ZNF362: variants seen among roughly 807,000 people sequenced by gnomAD.
The protein encoded by ZNF362 is rotund homolog.
A neutral mutation model predicts 42.9 loss-of-function variants in ZNF362; 11 were observed. That is an observed-to-expected ratio of 0.26 (90% CI 0.16 to 0.42). The LOEUF (loss-of-function observed/expected upper bound fraction) is 0.42, where lower values mean the gene tolerates loss of function less well. Among genes scored for constraint, ZNF362 ranks in the 20% least tolerant of loss-of-function variants. ZNF362 has a pLI of 1.00. For missense variants in ZNF362, 362 were observed against 576.2 expected (o/e 0.63, Z 3.81); for synonymous variants, 255 against 257.3 (o/e 0.99, Z 0.09).
At chr1:33,225,874 G>GT in the ZNF362 span, among the ~76,000 whole-genome samples, 3 of 152,286 alleles carry the variant, frequency 2.0e-5, no homozygotes, top group South Asian at 4.1e-4. Context: ...AAAAGGGATG[G>GT]TTTTTTCTTT....
chr1:33,176,090 A>G, the ZNF362 span, among the ~76,000 whole-genome samples: 2 of 152,186 alleles, frequency 1.3e-5, no homozygotes. Flanking sequence ...TGCTGTTGGC[A>G]TAGAAATCCT....
intron 2 of ZNF362, among the ~76,000 whole-genome samples, chr1:33,275,496 A>C (rs1032358870): frequency 1.3e-5 from 2 of 152,182 alleles, no homozygotes; most frequent in South Asian, 2.1e-4. Flanking sequence ...TGTTTCTTGA[A>C]GATAACTTTC....
chr1:33,275,412 C>T (rs1645936155), intron 2 of ZNF362: 1 of 983,386 alleles, frequency 1.0e-6, no homozygotes, highest in African/African-American at 1.7e-5. Context: ...CAGCCCCCTC[C>T]ATAACCACAG....
the ZNF362 span, among the ~76,000 whole-genome samples, chr1:33,249,919 A>C: frequency 6.6e-6 from 1 of 152,186 alleles, no homozygotes; most frequent in African/African-American, 2.4e-5. Context: ...ACTTGCCTAA[A>C]GTCACTATCT....
At chr1:33,293,236 C>G (rs1212149010) in intron 6 of ZNF362, among the ~76,000 whole-genome samples, 1 of 152,152 alleles carries the variant, frequency 6.6e-6, no homozygotes, top group African/African-American at 2.4e-5. Flanking sequence ...CTGGGGAGGT[C>G]CCAGTGCTGA....
the ZNF362 span, chr1:33,181,469 A>T: frequency 1.3e-6 from 2 of 1,546,912 alleles, no homozygotes; most frequent in Middle Eastern, 2.0e-4. This position sits in a 1 kb window ranked among gnomAD's most constrained non-coding sequence, Gnocchi z 6.5. Flanking sequence ...CCCGAGGGGC[A>T]GGGGGGCGGC....
chr1:33,167,862 A>G, the ZNF362 span, among the ~76,000 whole-genome samples: 1 of 152,248 alleles, frequency 6.6e-6, no homozygotes, highest in African/African-American at 2.4e-5. The surrounding 1 kb of genome is among the most constrained non-coding windows in gnomAD (Gnocchi z 4.2). Context: ...TTTGATTACT[A>G]TCAATTATTC....
chr1:33,234,526 G>A, the ZNF362 span, among the ~76,000 whole-genome samples: 4 of 151,844 alleles, frequency 2.6e-5, no homozygotes, highest in African/African-American at 7.3e-5. Flanking sequence ...CAGATCCCCC[G>A]ACCATCCAGG....
At chr1:33,262,143 A>G (rs141440140) in intron 1 of ZNF362, among the ~76,000 whole-genome samples, 1 of 151,436 alleles carries the variant, frequency 6.6e-6, no homozygotes, top group Non-Finnish European at 1.5e-5. Context: ...TCTTTAGTGG[A>G]TAAGGTGTGT....
chr1:33,255,051 C>T (rs1281863993), upstream of ZNF362, among the ~76,000 whole-genome samples: 1 of 152,152 alleles, frequency 6.6e-6, no homozygotes, highest in Non-Finnish European at 1.5e-5. Context: ...TCCCGCCATG[C>T]TTTAACATTC....
intron 1 of ZNF362, among the ~76,000 whole-genome samples, chr1:33,263,206 A>G (rs997937913): frequency 3.1e-4 from 47 of 152,186 alleles, no homozygotes; most frequent in African/African-American, 1.1e-3. Context: ...TCACACCTGC[A>G]CCTACACCTG....
chr1:33,248,004 G>T, the ZNF362 span, among the ~76,000 whole-genome samples: 3 of 152,246 alleles, frequency 2.0e-5, no homozygotes, highest in Non-Finnish European at 4.4e-5. Context: ...CTTGCTAATT[G>T]TTGGTGTGTA....
the ZNF362 span, among the ~76,000 whole-genome samples, chr1:33,234,670 C>T: frequency 1.3e-5 from 2 of 152,140 alleles, no homozygotes; most frequent in South Asian, 2.1e-4. Flanking sequence ...AGGACCAGCA[C>T]GGCAGCTGGG....
the ZNF362 span, chr1:33,146,476 A>G: frequency 1.9e-5 from 3 of 158,906 alleles, no homozygotes; most frequent in Non-Finnish European, 4.2e-5. Flanking sequence ...TGGGCTCTGC[A>G]TCAGCTTTGG....
Position 33,299,063 on chromosome 1 carries a change from G to A in ZNF362, c.*17G>A, listed in dbSNP as rs373914445. ...CTCATCTGAGCCCACTGGAGGCGCCGCCCCACCCGGCCCACTGGCAGACAC... is the reference window on the plus strand; with the variant it reads ...CTCATCTGAGCCCACTGGAGGCGCCACCCCACCCGGCCCACTGGCAGACAC... On this transcript the variant is annotated 3_prime_UTR_variant, in exon 9 of 9. Coordinates refer to ENST00000539719, the MANE Select transcript of ZNF362 (RefSeq NM_152493.3). 8.4e-5 allele frequency: 134 copies of A among 1,589,874 alleles called. No individual in the cohort carries two copies. In the African/African-American group the frequency reaches 1.4e-3, roughly 16 times the overall value.
At chr1:33,232,110 A>G in the ZNF362 span, among the ~76,000 whole-genome samples, 1 of 152,092 alleles carries the variant, frequency 6.6e-6, no homozygotes, top group Admixed American at 6.5e-5. Context: ...GGCATGAGTC[A>G]CGATTGGTCT....
At chr1:33,153,459 G>A in the ZNF362 span, among the ~76,000 whole-genome samples, 1 of 152,198 alleles carries the variant, frequency 6.6e-6, no homozygotes, top group Non-Finnish European at 1.5e-5. Flanking sequence ...ATTTTTGGTT[G>A]TTACAACTGA....
At chr1:33,250,893 A>AAGAAGAAGAAGAAGG in the ZNF362 span, among the ~76,000 whole-genome samples, 99 of 150,120 alleles carry the variant, frequency 6.6e-4, no homozygotes, top group African/African-American at 2.0e-3. Context: ...GAAGAAGAAG[A>AAGAAGAAGAAGAAGG]AGGAGAAGAA....
At chr1:33,264,391 C>T (rs1184269485) in intron 1 of ZNF362, among the ~76,000 whole-genome samples, 1 of 152,192 alleles carries the variant, frequency 6.6e-6, no homozygotes, top group African/African-American at 2.4e-5. Flanking sequence ...CTTAGAGAAC[C>T]TAGCAACAGC....
Sources: allele counts gnomAD v4.1 joint callset (sites outside exome capture counted in the v4.1 genomes callset), GRCh38; gene constraint gnomAD v4.1.1; non-coding constraint Gnocchi (gnomAD v3.1); transcripts MANE v1.5; gene names NCBI Gene and HGNC (gene_info 2026-07-23, HGNC 2026-07-21).